The following MARCHF3 variants were observed in gnomAD, a reference collection of about 807,000 sequenced individuals.
MARCHF3 encodes membrane associated ring-CH-type finger 3.
Under a neutral mutation model 24.2 loss-of-function variants are expected in MARCHF3, and 13 were observed. The ratio of observed to expected loss-of-function variants is 0.54; its 90% CI spans 0.35 to 0.85. MARCHF3 has a LOEUF of 0.85. Among genes scored for constraint, MARCHF3 ranks in the 40% least tolerant of loss-of-function variants. MARCHF3 has a pLI of 0.01. For synonymous variants in MARCHF3, 144 were observed against 137.3 expected (o/e 1.05, Z -0.34); for missense variants, 276 against 325.0 (o/e 0.85, Z 1.16).
intron 3 of MARCHF3, among the ~76,000 whole-genome samples, chr5:126,884,555 C>T (rs911439649): frequency 2.0e-5 from 3 of 152,202 alleles, no homozygotes; most frequent in Non-Finnish European, 2.9e-5. Context: ...CTGATTAGCA[C>T]GTACCTCATA....
chr5:126,960,991 G>A (rs759896991), intron 1 of MARCHF3, among the ~76,000 whole-genome samples: 21 of 152,066 alleles, frequency 1.4e-4, no homozygotes, highest in Admixed American at 6.6e-4. Flanking sequence ...GAATTAAGGA[G>A]AAATTGCTCA....
chr5:127,006,793 T>C (rs1032201343), intron 1 of MARCHF3, among the ~76,000 whole-genome samples: 1 of 152,204 alleles, frequency 6.6e-6, no homozygotes, highest in Admixed American at 6.5e-5. Context: ...TGGCTTCTAC[T>C]GTACAAGATA....
chr5:126,924,409 G>GA (rs35340588), intron 1 of MARCHF3, among the ~76,000 whole-genome samples: 1 of 151,844 alleles, frequency 6.6e-6, no homozygotes, highest in Non-Finnish European at 1.5e-5. Context: ...ACTGAAACGG[G>GA]AAAAAAAATG....
At chr5:126,964,964 G>A (rs1032404257) in intron 1 of MARCHF3, among the ~76,000 whole-genome samples, 8 of 149,182 alleles carry the variant, frequency 5.4e-5, no homozygotes, top group Non-Finnish European at 1.2e-4. Flanking sequence ...CTTATTAGAA[G>A]CTAATGAAAT....
intron 3 of MARCHF3, among the ~76,000 whole-genome samples, chr5:126,904,790 T>C (rs1754228793): frequency 1.3e-5 from 2 of 151,740 alleles, no homozygotes; most frequent in Non-Finnish European, 1.5e-5. Context: ...TGGTAGTTTC[T>C]TTTGCTGTGC....
intron 2 of MARCHF3, 82 bp from the exon 3 acceptor site, chr5:126,915,216 G>A: frequency 2.1e-6 from 3 of 1,405,288 alleles, no homozygotes; most frequent in South Asian, 2.5e-5. Context: ...CTTGTCCTTT[G>A]GGCCCTCCCC....
chr5:126,895,471 G>T (rs1490808198), intron 3 of MARCHF3, among the ~76,000 whole-genome samples: 1 of 152,106 alleles, frequency 6.6e-6, no homozygotes, highest in Non-Finnish European at 1.5e-5. Flanking sequence ...TGATGATGGT[G>T]ATGTACAGAT....
intron 3 of MARCHF3, among the ~76,000 whole-genome samples, chr5:126,905,770 AT>A (rs1263502393): frequency 6.6e-6 from 1 of 151,922 alleles, no homozygotes; most frequent in Non-Finnish European, 1.5e-5. Context: ...AACAGGGACA[AT>A]TTGACTTCCT....
chr5:126,964,314 C>T (rs1036647002), intron 1 of MARCHF3, among the ~76,000 whole-genome samples: 1 of 152,116 alleles, frequency 6.6e-6, no homozygotes. Flanking sequence ...CCTGAGTTTC[C>T]CTGGTTGCTC....
chr5:126,895,810 C>T (rs928862304), intron 3 of MARCHF3, among the ~76,000 whole-genome samples: 1 of 152,174 alleles, frequency 6.6e-6, no homozygotes, highest in Admixed American at 6.6e-5. Context: ...CAGAGGCAGG[C>T]AGGCCTCCCT....
intron 1 of MARCHF3, among the ~76,000 whole-genome samples, chr5:126,955,759 T>C (rs1285245633): frequency 6.6e-6 from 1 of 152,234 alleles, no homozygotes; most frequent in African/African-American, 2.4e-5. Context: ...AGTTCAGAGT[T>C]TGTCTTTTAG....
rs1021827160 is a variant in MARCHF3 at position 126,867,835 on chromosome 5, C to T, written c.*2798G>A. The T allele has an allele frequency of 1.3e-5, 2 of 152,210 alleles. No homozygotes were observed. The highest frequency in any genetic ancestry group is 2.9e-5 in the Non-Finnish European group (2 of 68,056). 9.4% of individuals were successfully genotyped at this position (152,210 alleles called of 1,614,324 possible). A position where few individuals can be genotyped will look rare whatever the true frequency, so the allele number is the denominator to read the frequency against. ...ATGCTCTGTGTCCTCCGTCCTTCCCCAAATGAGCACATATGCAGGGCAGGC... is the reference window on the plus strand; with the variant it reads ...ATGCTCTGTGTCCTCCGTCCTTCCCTAAATGAGCACATATGCAGGGCAGGC... On this transcript the variant is annotated 3_prime_UTR_variant, in exon 5 of 5. Transcript: ENST00000308660.
intron 1 of MARCHF3, among the ~76,000 whole-genome samples, chr5:126,968,067 A>G (rs753590334): frequency 1.3e-5 from 2 of 152,236 alleles, no homozygotes; most frequent in Non-Finnish European, 2.9e-5. Flanking sequence ...GAATTATACA[A>G]TATGTGGCTT....
At chr5:126,946,234 T>C (rs1750004198) in intron 1 of MARCHF3, 1 of 151,856 alleles carries the variant, frequency 6.6e-6, no homozygotes, top group Non-Finnish European at 1.5e-5. Context: ...TAGCCAGGTG[T>C]GGTGGCAAAT....
intron 1 of MARCHF3, among the ~76,000 whole-genome samples, chr5:127,028,552 A>T (rs1753073811): frequency 6.7e-6 from 1 of 149,978 alleles, no homozygotes; most frequent in South Asian, 2.1e-4. Context: ...GTTTACTTCT[A>T]TTAAGGTAGG....
rs114104514 is a variant in MARCHF3, at chr5:126,950,869, G to A, written c.-56-32642C>T. ...TCCTATTACCTTTTTCAGCTTTATT[G>A]AGGTATAACTAAAATATCCTAAATT... On this transcript the variant is annotated intron_variant, in intron 1 of 4. Transcript: ENST00000308660. 9.9e-3 allele frequency among the ~76,000 whole-genome samples: 1,511 copies of A among 152,056 alleles called. 20 individuals are homozygous for A. Among genetic ancestry groups the A allele is most frequent in the African/African-American group, 0.035 (1,444 of 41,474 alleles).
chr5:126,930,537 T>A (rs1477322098), intron 1 of MARCHF3, among the ~76,000 whole-genome samples: 1 of 152,238 alleles, frequency 6.6e-6, no homozygotes, highest in Non-Finnish European at 1.5e-5. Flanking sequence ...AAGGTCATCA[T>A]GCCTGTATAG....
At chr5:127,002,038 T>C (rs566273596) in intron 1 of MARCHF3, among the ~76,000 whole-genome samples, 4 of 152,118 alleles carry the variant, frequency 2.6e-5, no homozygotes, top group Non-Finnish European at 5.9e-5. Context: ...CTGGAGGATA[T>C]GGAATGAGAA....
intron 1 of MARCHF3, among the ~76,000 whole-genome samples, chr5:127,003,123 G>GAAAAA (rs1752181796): frequency 7.0e-6 from 1 of 142,798 alleles, no homozygotes. Context: ...TTGAAAGAAA[G>GAAAAA]AAAAAAGAAA....
Sources: gnomAD v4.1 joint callset for allele counts (sites outside exome capture counted in the v4.1 genomes callset) on GRCh38, gnomAD v4.1.1 for gene constraint, MANE v1.5 for transcripts, NCBI Gene and HGNC (gene_info 2026-07-23, HGNC 2026-07-21) for gene names.